NAE1: variants seen among roughly 807,000 people sequenced by gnomAD.
NAE1 encodes the protein NEDD8 activating enzyme E1 subunit 1.
Under a neutral mutation model 88.0 loss-of-function variants are expected in NAE1, and 59 were observed. The ratio of observed to expected loss-of-function variants is 0.67; its 90% CI spans 0.54 to 0.83. NAE1 has a LOEUF of 0.83. Among genes scored for constraint, NAE1 ranks in the 40% least tolerant of loss-of-function variants. The pLI is 0.00. For missense variants in NAE1, 554 were observed against 632.8 expected, an observed-to-expected ratio of 0.88 and a Z score of 1.34; for synonymous variants, 186 against 208.9, an observed-to-expected ratio of 0.89 and a Z score of 0.95.
At chr16:66,816,778 G>A (rs1390631662) in intron 10 of NAE1, 106 bp from the exon 11 acceptor site, 8 of 1,266,092 alleles carry the variant, frequency 6.3e-6, no homozygotes, top group Non-Finnish European at 8.8e-6. Context: ...TAAATCTTAA[G>A]AAGAAATACG....
chr16:66,810,272 C>A, intron 15 of NAE1, 102 bp downstream of exon 15: 1 of 910,552 alleles, frequency 1.1e-6, no homozygotes, highest in Non-Finnish European at 1.8e-6. Flanking sequence ...ATCACTGAGG[C>A]CATGGAAAAC....
intron 17 of NAE1, among the ~76,000 whole-genome samples, chr16:66,808,231 T>G (rs1244614245): frequency 6.6e-6 from 1 of 152,196 alleles, no homozygotes; most frequent in East Asian, 1.9e-4. Context: ...TTCCACTAAA[T>G]TAAACTCAGT....
chr16:66,823,211 TAACA>T lies in NAE1; in HGVS notation c.401+12_401+15del. On this transcript the variant is annotated intron_variant, in intron 6 of 19. Transcript: ENST00000290810. ...TAATAAGATTAAAATAAAAACATAT[TAACA>T]TAAAAATTTACCTTTCAGGAAGCTG... 2.7e-6 allele frequency: 4 copies of T among 1,475,754 alleles called. No homozygotes were observed. Among genetic ancestry groups the T allele is most frequent in the Non-Finnish European group, 3.7e-6 (4 of 1,075,014 alleles). The allele number at this position is 1,475,754 out of a possible 1,614,324, so 91.4% of individuals were successfully genotyped here.
In NAE1 at chr16:66,805,780, C is replaced by T; in HGVS notation, c.1492G>A (p.Gly498Arg). 1 of 1,487,412 alleles carries T rather than the reference C, an allele frequency of 6.7e-7. No homozygotes were observed. Among genetic ancestry groups the T allele is most frequent in the South Asian group, 1.5e-5 (1 of 66,290 alleles). The allele number at this position is 1,487,412 out of a possible 1,614,324, so 92.1% of individuals were successfully genotyped here. The change falls in exon 19 of 20, where the codon GGG becomes AGG. Residue 498 changes from glycine to arginine, a missense_variant. Transcript: ENST00000290810. The part of the protein sequence containing the change: ...AEPHTIAAFL[G>R]GAAAQEVIKI... Reference sequence around the variant, plus strand: ...TCTTCTCATATATGGAACTCACCCCCCAAGAATGCAGCAATGGTATGTGGC... The same window carrying T: ...TCTTCTCATATATGGAACTCACCCCTCAAGAATGCAGCAATGGTATGTGGC...
intron 15 of NAE1, among the ~76,000 whole-genome samples, chr16:66,809,774 T>C (rs1959710432): frequency 6.6e-6 from 1 of 152,090 alleles, no homozygotes; most frequent in Non-Finnish European, 1.5e-5. Flanking sequence ...ATGGGGAGCA[T>C]GCAAAATATA....
At chr16:66,817,637 C>T in intron 8 of NAE1, 150 bp from the exon 9 acceptor site, 1 of 551,910 alleles carries the variant, frequency 1.8e-6, no homozygotes, top group East Asian at 3.4e-5. Context: ...ATAAAAACTG[C>T]TTTACAAATT....
intron 3 of NAE1, 48 bp from the exon 4 acceptor site, chr16:66,824,933 A>C (rs1183906099): frequency 3.3e-6 from 5 of 1,535,028 alleles, no homozygotes; most frequent in South Asian, 1.2e-5. Flanking sequence ...TACTGACTAT[A>C]AAGGAAAAGT....
intron 6 of NAE1, 118 bp downstream of exon 6, chr16:66,823,109 A>T: frequency 2.0e-6 from 1 of 491,920 alleles, no homozygotes; most frequent in Non-Finnish European, 3.3e-6. Flanking sequence ...TTTCATATTT[A>T]AAGTTTCTAT....
rs1230863669 is a variant in NAE1 at position 66,830,874 on chromosome 16, T to C, written c.26A>G (p.Lys9Arg). The change falls in exon 1 of 20, where the codon AAG becomes AGG. Residue 9 changes from lysine to arginine, a missense_variant. Coordinates refer to ENST00000290810, the MANE Select transcript of NAE1 (RefSeq NM_003905.4). MAQLGKLL[K>R]EQKYDRQLRL... ...CAGCTGCCGGTCGTACTTCTGCTCC[T>C]TGAGCAGCTTTCCCAGCTGCGCCAT... 3.3e-6 allele frequency: 5 copies of C among 1,535,034 alleles called. No individual in the cohort carries two copies. Among genetic ancestry groups the C allele is most frequent in the South Asian group, 1.2e-5 (1 of 83,776 alleles).
rs200163314 is a variant in NAE1, at chr16:66,823,582, T to C, written c.268A>G (p.Met90Val). The C allele has an allele frequency of 7.5e-6, 12 of 1,607,650 alleles. No homozygotes were observed. The highest frequency in any genetic ancestry group is 4.5e-5 in the East Asian group (2 of 44,812). ...CTATTTAATTCTTGTAAGAATTCCA[T>C]GGCAGCTTCAGCTCGGTTCTTTTTA... ...SIGKNRAEAA[M>V]EFLQELNSDV... is the part of the protein sequence containing the mutation. The change falls in exon 5 of 20, where the codon ATG becomes GTG. Residue 90 changes from methionine (M) to valine (V), a missense_variant. Physicochemically the swap from Met to Val is conservative, Grantham distance 21. Coordinates refer to ENST00000290810, the MANE Select transcript of NAE1 (RefSeq NM_003905.4).
intron 1 of NAE1, chr16:66,827,945 A>G (rs1427656927): frequency 1.3e-6 from 2 of 1,558,366 alleles, no homozygotes; most frequent in East Asian, 2.2e-5. Flanking sequence ...CTCAGCCTCT[A>G]GAGTTGCTGG....
chr16:66,823,294 G>C lies in NAE1; in HGVS notation c.334C>G (p.Leu112Val). ...GSFVEESPEN[L>V]LDNDPSFFCR... ...AAAAATGAGGGATCATTGTCTAGAAGGTTTTCTGGACTCTAAACAGGACAG... is the reference window on the plus strand; with the variant it reads ...AAAAATGAGGGATCATTGTCTAGAACGTTTTCTGGACTCTAAACAGGACAG... Residue 112 changes from leucine (L) to valine (V), a missense_variant, in exon 6 of 20, where the codon CTT becomes GTT. Leu to Val is a conservative substitution (Grantham distance 32). Coordinates refer to ENST00000290810, the MANE Select transcript of NAE1 (RefSeq NM_003905.4). 1 of 1,601,412 alleles carries C rather than the reference G, an allele frequency of 6.2e-7. No homozygotes were observed. The highest frequency in any genetic ancestry group is 1.1e-5 in the South Asian group (1 of 87,320).
chr16:66,813,388 A>T, intron 13 of NAE1, 176 bp downstream of exon 13: 1 of 694,800 alleles, frequency 1.4e-6, no homozygotes, highest in South Asian at 2.2e-5. Flanking sequence ...CAATTCTCCC[A>T]CCTTGGCCTC....
intron 11 of NAE1, 25 bp downstream of exon 11, chr16:66,816,556 A>T: frequency 6.7e-7 from 1 of 1,484,664 alleles, no homozygotes; most frequent in Non-Finnish European, 9.4e-7. Flanking sequence ...TGTTCATGTG[A>T]ATCCCTCAGC....
Position 66,830,952 on chromosome 16 carries a change from A to T in NAE1, c.-53T>A. ...CGAGCCCCTGCGGAGCGCCGCCACC[A>T]GCTCCACAAGCGCGCAGGCGCACTG... On this transcript the variant is annotated 5_prime_UTR_variant, in exon 1 of 20. Coordinates refer to ENST00000290810, the MANE Select transcript of NAE1 (RefSeq NM_003905.4). 1 of 1,462,644 alleles carries T rather than the reference A, an allele frequency of 6.8e-7. No homozygotes were observed. Among genetic ancestry groups the T allele is most frequent in the Non-Finnish European group, 9.0e-7 (1 of 1,109,930 alleles). 90.6% of individuals were successfully genotyped at this position (1,462,644 alleles called of 1,614,324 possible).
In NAE1 at chr16:66,805,895, C is replaced by T. The variant is rs1053124606; in HGVS notation, c.1445+17G>A. ...CAGGTGTGGAATCATCTCCTAGATA[C>T]CCTAAAAAATACTCACAATTCGTGG... On this transcript the variant is annotated intron_variant, in intron 18 of 19. Coordinates refer to ENST00000290810, the MANE Select transcript of NAE1 (RefSeq NM_003905.4). The T allele has an allele frequency of 6.2e-7, 1 of 1,603,962 alleles. No individual in the cohort carries two copies. Among genetic ancestry groups the T allele is most frequent in the Non-Finnish European group, 8.5e-7 (1 of 1,176,504 alleles).
intron 11 of NAE1, 130 bp downstream of exon 11, chr16:66,816,451 C>T (rs1270710848): frequency 1.7e-5 from 12 of 725,930 alleles, no homozygotes; most frequent in African/African-American, 3.7e-5. Context: ...CCAGCATGCC[C>T]GGCCCTGTAT....
At chr16:66,811,719 G>A (rs1243214765) in intron 13 of NAE1, among the ~76,000 whole-genome samples, 1 of 152,092 alleles carries the variant, frequency 6.6e-6, no homozygotes, top group Non-Finnish European at 1.5e-5. Flanking sequence ...TTTTCTTTAC[G>A]TCTATTTACC....
intron 7 of NAE1, among the ~76,000 whole-genome samples, chr16:66,820,900 CAAAAAAA>C (rs35671399): frequency 2.7e-5 from 2 of 73,302 alleles, no homozygotes; most frequent in African/African-American, 8.9e-5. Flanking sequence ...GACTCCGTCT[CAAAAAAA>C]AAAAAAAAAA....
Sources: gnomAD v4.1 joint callset for allele counts (sites outside exome capture counted in the v4.1 genomes callset) on GRCh38, gnomAD v4.1.1 for gene constraint, MANE v1.5 for transcripts, NCBI Gene and HGNC (gene_info 2026-07-23, HGNC 2026-07-21) for gene names.